Variants in SMCO2 observed in about 807,000 individuals in gnomAD.
The protein encoded by SMCO2 is single-pass membrane protein with coiled-coil domains 2.
Under a neutral mutation model 29.5 loss-of-function variants are expected in SMCO2, and 25 were observed. The ratio of observed to expected loss-of-function variants is 0.85; its 90% confidence interval spans 0.62 to 1.18. The LOEUF is 1.18. Ranked by LOEUF, SMCO2 falls within the 50% of genes most tolerant of loss-of-function variation. The pLI is 0.00. For missense variants in SMCO2, 348 were observed against 344.5 expected, an observed-to-expected ratio of 1.01 and a Z score of -0.08; for synonymous variants, 117 against 123.3, an observed-to-expected ratio of 0.95 and a Z score of 0.34.
chr12:27,500,530 C>A (rs1053986870), intron 7 of SMCO2, among the ~76,000 whole-genome samples: 1 of 150,662 alleles, frequency 6.6e-6, no homozygotes, highest in African/African-American at 2.5e-5. Context: ...TTTCCAAAAA[C>A]TTAATGTTAA....
At chr12:27,470,248 T>C (rs1949529520) in intron 1 of SMCO2, among the ~76,000 whole-genome samples, 1 of 152,214 alleles carries the variant, frequency 6.6e-6, no homozygotes, top group Admixed American at 6.5e-5. Context: ...TTTACTTTTT[T>C]CTTTTGCCCT....
chr12:27,499,038 T>C (rs1193352123), intron 7 of SMCO2, among the ~76,000 whole-genome samples: 1 of 150,826 alleles, frequency 6.6e-6, no homozygotes, highest in East Asian at 1.9e-4. Context: ...TGGCAGTTTC[T>C]AAAACGGTTA....
the SMCO2 span, among the ~76,000 whole-genome samples, chr12:27,430,876 C>T: frequency 1.3e-5 from 2 of 152,034 alleles, no homozygotes; most frequent in African/African-American, 4.8e-5. Context: ...GAATCCAGAC[C>T]CGAGCAGCTC....
chr12:27,426,220 T>G, the SMCO2 span, among the ~76,000 whole-genome samples: 2 of 152,150 alleles, frequency 1.3e-5, no homozygotes, highest in African/African-American at 4.8e-5. Flanking sequence ...GGCAAGAACT[T>G]GAGGACCAAT....
the SMCO2 span, among the ~76,000 whole-genome samples, chr12:27,459,927 G>A: frequency 1.3e-5 from 2 of 152,326 alleles, no homozygotes; most frequent in African/African-American, 2.4e-5. Flanking sequence ...GTGCAGGCAC[G>A]CATTGGGCTA....
Position 27,488,641 on chromosome 12 carries a change from G to A in SMCO2, c.450+94G>A, listed in dbSNP as rs113898122. On this transcript the variant is annotated intron_variant, in intron 5 of 7. Transcript: ENST00000298876. ...TATTGTTAATAGGCAATAACAAGAA[G>A]TAAGACTCATAAGCAGGAGTGCTCT... The A allele has an allele frequency of 7.4e-3, 6,682 of 897,636 alleles. 45 individuals carry two copies. Among genetic ancestry groups the A allele is most frequent in the Middle Eastern group, 0.025 (105 of 4,150 alleles). The allele number at this position is 897,636 out of a possible 1,614,324, so 55.6% of individuals were successfully genotyped here. A position where few individuals can be genotyped will look rare whatever the true frequency, so the allele number is the denominator to read the frequency against.
At chr12:27,441,207 C>T in the SMCO2 span, among the ~76,000 whole-genome samples, 1 of 152,074 alleles carries the variant, frequency 6.6e-6, no homozygotes, top group African/African-American at 2.4e-5. Context: ...TGCAGTGAGC[C>T]ATGGTCGTGC....
intron 5 of SMCO2, chr12:27,494,095 TG>T: frequency 2.8e-6 from 1 of 355,824 alleles, no homozygotes; most frequent in South Asian, 6.3e-5. Context: ...AAAATAATCT[TG>T]TTATGTTAAT....
At chr12:27,496,208 G>A (rs1248041509) in intron 7 of SMCO2, among the ~76,000 whole-genome samples, 1 of 150,032 alleles carries the variant, frequency 6.7e-6, no homozygotes, top group Non-Finnish European at 1.5e-5. Flanking sequence ...TATATTTTTA[G>A]TTAGTCTGTT....
intron 4 of SMCO2, among the ~76,000 whole-genome samples, chr12:27,487,961 G>A (rs962248573): frequency 1.3e-5 from 2 of 151,396 alleles, no homozygotes; most frequent in African/African-American, 4.9e-5. Context: ...CTTTTTTTGA[G>A]ATTTTTATAT....
the SMCO2 span, among the ~76,000 whole-genome samples, chr12:27,451,356 A>G: frequency 3.3e-5 from 5 of 152,164 alleles, no homozygotes; most frequent in Admixed American, 1.3e-4. Context: ...AGCACTCCCC[A>G]TTGGGGTTAT....
chr12:27,465,334 T>C (rs1048557844), upstream of SMCO2, among the ~76,000 whole-genome samples: 15 of 152,204 alleles, frequency 9.9e-5, no homozygotes, highest in African/African-American at 3.6e-4. Flanking sequence ...GTGATGGAAC[T>C]AGTAGTAAGA....
chr12:27,477,054 T>C (rs1198712869), intron 4 of SMCO2, among the ~76,000 whole-genome samples: 3 of 152,102 alleles, frequency 2.0e-5, no homozygotes, highest in Non-Finnish European at 4.4e-5. Flanking sequence ...GTTTTCATGT[T>C]TGTAGATTTT....
chr12:27,465,273 C>T (rs776197281), upstream of SMCO2, among the ~76,000 whole-genome samples: 4 of 152,064 alleles, frequency 2.6e-5, no homozygotes, highest in Admixed American at 6.5e-5. Context: ...GACTGCCTAG[C>T]GCATTAGTAA....
intron 1 of SMCO2, chr12:27,467,119 TCTGGGTGGTCAGGC>T (rs1242689385): frequency 9.9e-5 from 15 of 152,182 alleles, no homozygotes; most frequent in African/African-American, 3.6e-4. Flanking sequence ...AAGAGGGTAA[TCTGGGTGGTCAGGC>T]CTGGAGAAAT....
chr12:27,486,315 C>A (rs900707603), intron 4 of SMCO2, among the ~76,000 whole-genome samples: 3 of 152,198 alleles, frequency 2.0e-5, no homozygotes, highest in Non-Finnish European at 4.4e-5. Context: ...CTAACTTCAT[C>A]TTCTCAACTC....
the SMCO2 span, among the ~76,000 whole-genome samples, chr12:27,457,284 T>C: frequency 6.6e-6 from 1 of 152,224 alleles, no homozygotes; most frequent in African/African-American, 2.4e-5. Context: ...AACGTTCTGC[T>C]GTCACTGTCT....
At chr12:27,471,329 A>G (rs952683847) in intron 2 of SMCO2, among the ~76,000 whole-genome samples, 5 of 152,196 alleles carry the variant, frequency 3.3e-5, no homozygotes, top group Non-Finnish European at 7.4e-5. Context: ...GCAGTTTTTC[A>G]TATAAGTTTT....
intron 1 of SMCO2, 133 bp from the exon 2 acceptor site, chr12:27,470,489 A>G: frequency 1.1e-6 from 1 of 930,104 alleles, no homozygotes; most frequent in Non-Finnish European, 1.5e-6. Flanking sequence ...GTCCTTTACG[A>G]TGAACAGCCA....
Sources: allele counts gnomAD v4.1 joint callset (sites outside exome capture counted in the v4.1 genomes callset), GRCh38; gene constraint gnomAD v4.1.1; transcripts MANE v1.5; gene names NCBI Gene and HGNC (gene_info 2026-07-23, HGNC 2026-07-21).